Variants in XKR9 observed in about 807,000 individuals in gnomAD.
XKR9 encodes XK-related protein 9.
A neutral mutation model predicts 32.0 loss-of-function variants in XKR9; 32 were observed. The observed-to-expected ratio is 1.00, with a 90% CI of 0.76 to 1.34. The LOEUF (loss-of-function observed/expected upper bound fraction) is 1.34, where lower values mean the gene tolerates loss of function less well. Ranked by LOEUF, XKR9 falls within the 40% of genes most tolerant of loss-of-function variation. The pLI, the probability that XKR9 is intolerant of heterozygous loss-of-function variation, is 0.00. For synonymous variants in XKR9, 168 were observed against 143.4 expected (o/e 1.17, Z -1.22); for missense variants, 546 against 429.7 (o/e 1.27, Z -2.39).
At chr8:70,999,523 T>G in the XKR9 span, among the ~76,000 whole-genome samples, 41 of 152,282 alleles carry the variant, frequency 2.7e-4, no homozygotes, top group East Asian at 7.5e-3. Flanking sequence ...GATTAGTAAT[T>G]ATACTAGCAG....
chr8:70,730,545 G>A (rs1806629085), intron 4 of XKR9, among the ~76,000 whole-genome samples: 1 of 146,646 alleles, frequency 6.8e-6, no homozygotes, highest in Non-Finnish European at 1.6e-5. Context: ...GTTAACCATG[G>A]ATGCATAAAG....
At chr8:71,039,527 TGTAAA>T in the XKR9 span, among the ~76,000 whole-genome samples, 1 of 152,302 alleles carries the variant, frequency 6.6e-6, no homozygotes, top group Non-Finnish European at 1.5e-5. Flanking sequence ...TTCGCACTCT[TGTAAA>T]GTAAAAAAAT....
At chr8:70,723,831 A>G (rs188374953) in intron 4 of XKR9, among the ~76,000 whole-genome samples, 62 of 151,028 alleles carry the variant, frequency 4.1e-4, no homozygotes, top group Admixed American at 6.6e-4. Context: ...CCCTTATCAG[A>G]GCTTAAACAA....
At chr8:70,985,984 G>C in the XKR9 span, among the ~76,000 whole-genome samples, 3 of 152,016 alleles carry the variant, frequency 2.0e-5, no homozygotes, top group Non-Finnish European at 2.9e-5. Flanking sequence ...AGATTACAGA[G>C]GGCAAGTAGT....
At chr8:70,781,836 A>G (rs1425937501) in intron 2 of XKR9, among the ~76,000 whole-genome samples, 1 of 152,216 alleles carries the variant, frequency 6.6e-6, no homozygotes, top group African/African-American at 2.4e-5. Context: ...AAAAAATAAA[A>G]GAAAGATTAG....
At chr8:70,939,240 GA>G in the XKR9 span, among the ~76,000 whole-genome samples, 16 of 152,048 alleles carry the variant, frequency 1.1e-4, no homozygotes, top group Non-Finnish European at 1.9e-4. Flanking sequence ...ATGTCCGAAA[GA>G]AAACAAGAAC....
chr8:70,998,647 G>T, the XKR9 span, among the ~76,000 whole-genome samples: 20 of 152,306 alleles, frequency 1.3e-4, no homozygotes, highest in African/African-American at 4.6e-4. Context: ...ACAAGAATTT[G>T]CTGGAGAAGC....
At chr8:70,929,431 A>G in the XKR9 span, among the ~76,000 whole-genome samples, 10 of 152,220 alleles carry the variant, frequency 6.6e-5, no homozygotes, top group Non-Finnish European at 1.5e-4. Context: ...CAACTTATGC[A>G]ATACCTATTT....
intron 2 of XKR9, among the ~76,000 whole-genome samples, chr8:70,751,639 G>A (rs1356963857): frequency 1.3e-5 from 2 of 152,136 alleles, no homozygotes; most frequent in African/African-American, 4.8e-5. Context: ...CAGAGGAAAG[G>A]TGATTTGCCG....
At chr8:70,770,328 G>T (rs567186020) in intron 2 of XKR9, among the ~76,000 whole-genome samples, 3 of 152,300 alleles carry the variant, frequency 2.0e-5, no homozygotes, top group South Asian at 4.1e-4. Flanking sequence ...TCATCCCAGA[G>T]GAGCACCCGC....
chr8:70,870,397 G>A, the XKR9 span, among the ~76,000 whole-genome samples: 1 of 152,144 alleles, frequency 6.6e-6, no homozygotes, highest in Non-Finnish European at 1.5e-5. Context: ...ATATATTGTA[G>A]CACAGAAAAG....
At chr8:70,697,416 G>T (rs1223010155) in intron 3 of XKR9, among the ~76,000 whole-genome samples, 3 of 151,172 alleles carry the variant, frequency 2.0e-5, no homozygotes, top group African/African-American at 7.3e-5. Context: ...TTTGTCAAAG[G>T]CCTTTTCTGC....
intron 2 of XKR9, among the ~76,000 whole-genome samples, chr8:70,757,115 T>G (rs1233014287): frequency 6.6e-6 from 1 of 152,222 alleles, no homozygotes; most frequent in East Asian, 1.9e-4. Flanking sequence ...TGATTTTTGT[T>G]TTTTAGCTTA....
At chr8:70,677,657 G>A (rs1457814305) in intron 2 of XKR9, among the ~76,000 whole-genome samples, 2 of 152,126 alleles carry the variant, frequency 1.3e-5, no homozygotes, top group African/African-American at 4.8e-5. Context: ...TATATTGTGG[G>A]TAGGACCTAA....
chr8:70,945,226 A>C, the XKR9 span, among the ~76,000 whole-genome samples: 1 of 152,214 alleles, frequency 6.6e-6, no homozygotes, highest in Non-Finnish European at 1.5e-5. Context: ...TGTTATGAGT[A>C]GTTACTTAAT....
the XKR9 span, among the ~76,000 whole-genome samples, chr8:70,816,884 T>C: frequency 6.6e-6 from 1 of 152,152 alleles, no homozygotes; most frequent in Non-Finnish European, 1.5e-5. Flanking sequence ...TATGATCATC[T>C]CAATACATGC....
rs189018252 is a variant in XKR9, at chr8:70,701,036, G to A, written c.273-5897G>A. ...TGGTGTGCCGTTTTTTAAGCCCCTCGGAAAAGCGCAGTATTCGGGTGGGAG... is the reference window on the plus strand; with the variant it reads ...TGGTGTGCCGTTTTTTAAGCCCCTCAGAAAAGCGCAGTATTCGGGTGGGAG... On this transcript the variant is annotated intron_variant, in intron 3 of 4. Coordinates refer to ENST00000408926, the MANE Select transcript of XKR9 (RefSeq NM_001011720.2). 8.5e-5 allele frequency among the ~76,000 whole-genome samples: 13 copies of A among 152,276 alleles called. No individual in the cohort carries two copies. The East Asian group carries it at 1.5e-3, about 18-fold the overall frequency.
chr8:70,774,896 C>T (rs1807498838), intron 2 of XKR9, among the ~76,000 whole-genome samples: 1 of 151,988 alleles, frequency 6.6e-6, no homozygotes, highest in Admixed American at 6.6e-5. Flanking sequence ...ATATTATAAT[C>T]AAGTTTTTAC....
At chr8:70,982,403 A>C in the XKR9 span, among the ~76,000 whole-genome samples, 2 of 151,948 alleles carry the variant, frequency 1.3e-5, no homozygotes, top group African/African-American at 4.8e-5. Flanking sequence ...AGTCCAGTGG[A>C]GTTATATTCC....
Sources: allele counts gnomAD v4.1 joint callset (sites outside exome capture counted in the v4.1 genomes callset), GRCh38; gene constraint gnomAD v4.1.1; transcripts MANE v1.5; gene names NCBI Gene and HGNC (gene_info 2026-07-23, HGNC 2026-07-21).